The following PPFIBP1 variants were observed in gnomAD, a reference collection of about 807,000 sequenced individuals.
PPFIBP1 encodes PPFIB scaffold protein 1.
PPFIBP1 carries 112 observed loss-of-function variants against 137.8 expected under a neutral mutation model. The ratio of observed to expected loss-of-function variants is 0.81; its 90% confidence interval spans 0.70 to 0.95. The LOEUF is 0.95. Ranked by LOEUF, PPFIBP1 falls within the 40% of genes least tolerant of loss-of-function variation. PPFIBP1 has a pLI of 0.00. For missense variants in PPFIBP1, 1,083 were observed against 1,196.6 expected, an observed-to-expected ratio of 0.91 and a Z score of 1.40; for synonymous variants, 378 against 417.3, an observed-to-expected ratio of 0.91 and a Z score of 1.15.
chr12:27,602,899 G>A (rs1314811304), intron 2 of PPFIBP1, among the ~76,000 whole-genome samples: 2 of 152,156 alleles, frequency 1.3e-5, no homozygotes, highest in African/African-American at 4.8e-5. Flanking sequence ...GAAATTGCAG[G>A]TATTAATCTC....
At chr12:27,584,512 T>C (rs2051481696) in intron 2 of PPFIBP1, 1 of 152,202 alleles carries the variant, frequency 6.6e-6, no homozygotes, top group South Asian at 2.1e-4. Context: ...ATGTGGGGGT[T>C]GCAAGCAAAT....
At chr12:27,608,985 G>C (rs1218670208) in intron 2 of PPFIBP1, 3 of 170,832 alleles carry the variant, frequency 1.8e-5, no homozygotes, top group Admixed American at 6.5e-5. Context: ...CCACCTTGCA[G>C]ATCTCTTCTT....
At chr12:27,610,246 T>C (rs1374039671) in intron 2 of PPFIBP1, among the ~76,000 whole-genome samples, 2 of 152,238 alleles carry the variant, frequency 1.3e-5, no homozygotes, top group African/African-American at 4.8e-5. Flanking sequence ...GTAGTGATTT[T>C]ATAATAATAA....
In PPFIBP1 at chr12:27,646,114, G is replaced by T. The variant is rs142823290; in HGVS notation, c.323G>T (p.Arg108Leu). ...GATGTGTATCAAGAAAGGCTGGCACGTTTAGAAAATGATAAAGAATCCCTC... is the reference window on the plus strand; with the variant it reads ...GATGTGTATCAAGAAAGGCTGGCACTTTTAGAAAATGATAAAGAATCCCTC... ...NGDVYQERLA[R>L]LENDKESLVL... Residue 108 changes from arginine (R) to leucine (L), a missense_variant, in exon 5 of 30, where the codon CGT becomes CTT. Coordinates refer to ENST00000228425, the MANE Select transcript of PPFIBP1 (RefSeq NM_003622.4). 1.2e-6 allele frequency: 2 copies of T among 1,612,058 alleles called. No individual in the cohort carries two copies. Among genetic ancestry groups the T allele is most frequent in the Admixed American group, 1.7e-5 (1 of 60,006 alleles).
At chr12:27,529,665 G>A (rs551641479) in intron 1 of PPFIBP1, among the ~76,000 whole-genome samples, 9 of 152,244 alleles carry the variant, frequency 5.9e-5, no homozygotes, top group Admixed American at 5.2e-4. Flanking sequence ...CTGCACTCCA[G>A]CCTGGGCAAC....
At position 27,654,831 on chromosome 12, in the gene PPFIBP1, G is replaced by A; in HGVS notation, c.696+17G>A. 2 of 1,606,182 alleles carry A rather than the reference G, an allele frequency of 1.2e-6. No homozygotes were observed. The highest frequency in any genetic ancestry group is 1.7e-6 in the Non-Finnish European group (2 of 1,176,828). On this transcript the variant is annotated intron_variant, in intron 8 of 29. Coordinates refer to ENST00000228425, the MANE Select transcript of PPFIBP1 (RefSeq NM_003622.4). ...TCAACCAAAGTAAGTTTTTCTCACA[G>A]GTTAACATTTTCAAACAAATGGCAT...
At position 27,682,701 on chromosome 12, in the gene PPFIBP1, G is replaced by C. The variant is rs202193926; in HGVS notation, c.2245G>C (p.Val749Leu). The C allele has an allele frequency of 1.8e-4, 292 of 1,614,066 alleles. 1 individual carries two copies. In the East Asian group the frequency reaches 2.9e-3, roughly 16 times the overall value. ...VDGRMLHYMT[V>L]DDLLSLKVVS... ...TGGTCGAATGCTACATTACATGACT[G>C]TTGTAAGTGACTCACTCCTGGGGTT... is the stretch of plus-strand genomic sequence containing the variant. The change falls in exon 24 of 30, where the codon GTT becomes CTT. Residue 749 changes from valine (V) to leucine (L), a missense_variant and splice_region_variant. Coordinates refer to ENST00000228425, the MANE Select transcript of PPFIBP1 (RefSeq NM_003622.4).
intron 2 of PPFIBP1, among the ~76,000 whole-genome samples, chr12:27,616,485 T>TG (rs1484556241): frequency 2.6e-5 from 4 of 152,062 alleles, no homozygotes; most frequent in African/African-American, 4.8e-5. Flanking sequence ...GGCATCATTG[T>TG]GGAGAGTAAG....
intron 27 of PPFIBP1, among the ~76,000 whole-genome samples, chr12:27,690,028 G>T (rs1008645865): frequency 2.0e-5 from 3 of 152,134 alleles, no homozygotes; most frequent in Non-Finnish European, 4.4e-5. Context: ...CATGTTTTGG[G>T]TGGTTTCTGG....
intron 14 of PPFIBP1, among the ~76,000 whole-genome samples, chr12:27,671,987 C>T (rs920077785): frequency 1.3e-5 from 2 of 152,062 alleles, no homozygotes; most frequent in African/African-American, 4.8e-5. Flanking sequence ...ACAGGAATCA[C>T]ATAAGCCCAG....
intron 2 of PPFIBP1, among the ~76,000 whole-genome samples, chr12:27,603,703 T>C (rs1439406576): frequency 1.3e-5 from 2 of 152,184 alleles, no homozygotes; most frequent in African/African-American, 4.8e-5. Context: ...TTCAATTGCA[T>C]GAGAGCCACA....
intron 2 of PPFIBP1, among the ~76,000 whole-genome samples, chr12:27,611,599 C>T (rs2055119599): frequency 6.6e-6 from 1 of 152,224 alleles, no homozygotes; most frequent in African/African-American, 2.4e-5. Context: ...TGAACCGCAA[C>T]ACAAATTAGC....
intron 7 of PPFIBP1, chr12:27,654,432 G>C: frequency 4.5e-6 from 1 of 224,344 alleles, no homozygotes; most frequent in Non-Finnish European, 8.6e-6. Context: ...AGAAATATCT[G>C]ACAAATAATA....
At chr12:27,652,864 A>G (rs575242991) in intron 7 of PPFIBP1, among the ~76,000 whole-genome samples, 3 of 152,340 alleles carry the variant, frequency 2.0e-5, no homozygotes, top group Admixed American at 6.5e-5. Context: ...ATAACTGGGA[A>G]AAGCTGATTT....
intron 13 of PPFIBP1, among the ~76,000 whole-genome samples, chr12:27,670,788 A>ATAATAATAATAATAATCATAAT (rs57738136): frequency 7.4e-6 from 1 of 134,286 alleles, no homozygotes; most frequent in East Asian, 2.1e-4. Flanking sequence ...CAAAAAAAAA[A>ATAATAATAATAATAATCATAAT]AAAAAAAATA....
chr12:27,689,347 T>G lies in PPFIBP1; in HGVS notation c.2685+144T>G, dbSNP rs528068327. ...AGATGCAGGAATCCTCAGCGCTTAG[T>G]TGTCTTGGGAGAAAGATGTTGGCCA... On this transcript the variant is annotated intron_variant, in intron 27 of 29. Coordinates refer to ENST00000228425, the MANE Select transcript of PPFIBP1 (RefSeq NM_003622.4). 2.1e-5 allele frequency: 14 copies of G among 661,808 alleles called. No homozygotes were observed. In the East Asian group the frequency reaches 4.1e-4, roughly 19 times the overall value. 41.0% of individuals were successfully genotyped at this position (661,808 alleles called of 1,614,324 possible).
rs2059911761 is a variant in PPFIBP1, at chr12:27,667,206, C to T, written c.1032C>T (p.Ser344=). 1 of 1,611,916 alleles carries T rather than the reference C, an allele frequency of 6.2e-7. No homozygotes were observed. Among genetic ancestry groups the T allele is most frequent in the Non-Finnish European group, 8.5e-7 (1 of 1,179,060 alleles). The change falls in exon 13 of 30, where the codon TCC becomes TCT. Residue 344 remains serine (S), a synonymous_variant. Coordinates refer to ENST00000228425, the MANE Select transcript of PPFIBP1 (RefSeq NM_003622.4). ...GEYEELLNSS[S]ISSLLDAQGF... Reference sequence around the variant, plus strand: ...ATGAAGAGCTGCTCAATTCCAGTTCCATCTCCTCTTTGCTGGATGCACAGG... The same window carrying T: ...ATGAAGAGCTGCTCAATTCCAGTTCTATCTCCTCTTTGCTGGATGCACAGG...
At chr12:27,586,932 G>A (rs2051830627) in intron 2 of PPFIBP1, among the ~76,000 whole-genome samples, 1 of 152,150 alleles carries the variant, frequency 6.6e-6, no homozygotes, top group Admixed American at 6.5e-5. Flanking sequence ...GTATTTTGAA[G>A]GTAGAAATCA....
At chr12:27,567,564 G>A (rs1338470750) in intron 1 of PPFIBP1, among the ~76,000 whole-genome samples, 1 of 152,258 alleles carries the variant, frequency 6.6e-6, no homozygotes, top group Non-Finnish European at 1.5e-5. Flanking sequence ...AGTGTGGGTG[G>A]TGGGAGGATA....
Sources: allele counts gnomAD v4.1 joint callset (sites outside exome capture counted in the v4.1 genomes callset), GRCh38; gene constraint gnomAD v4.1.1; transcripts MANE v1.5; gene names NCBI Gene and HGNC (gene_info 2026-07-23, HGNC 2026-07-21).